Variants in KIF1B observed in about 807,000 individuals in gnomAD.
KIF1B encodes the protein kinesin family member 1B, also known as kinesin-like protein KIF1B.
KIF1B carries 76 observed loss-of-function variants against 241.9 expected under a neutral mutation model. The observed-to-expected ratio is 0.31, with a 90% confidence interval of 0.26 to 0.38. The LOEUF is 0.38. Ranked by LOEUF, KIF1B falls within the 10% of genes least tolerant of loss-of-function variation. The pLI is 1.00. For synonymous variants in KIF1B, 750 were observed against 796.7 expected, an observed-to-expected ratio of 0.94 and a Z score of 0.99; for missense variants, 1,622 against 2,271.4, an observed-to-expected ratio of 0.71 and a Z score of 5.81.
chr1:10,324,860 C>T lies in KIF1B; in HGVS notation c.2640C>T (p.Phe880=), dbSNP rs750695241. 3.1e-6 allele frequency: 5 copies of T among 1,614,044 alleles called. No homozygotes were observed. The highest frequency in any genetic ancestry group is 3.4e-6 in the Non-Finnish European group (4 of 1,180,020). ...SETTVTGSDP[F]YDRFHWFKLV... is the part of the protein sequence containing the mutation. ...CCACTGTGACTGGCAGCGATCCCTT[C>T]TATGATCGGTTCCACTGGTTCAAAC... Residue 880 remains phenylalanine, a synonymous_variant, in exon 26 of 49, where the codon TTC becomes TTT. Transcript: ENST00000676179.
At chr1:10,241,147 C>T (rs752382286) in intron 2 of KIF1B, among the ~76,000 whole-genome samples, 7 of 152,084 alleles carry the variant, frequency 4.6e-5, no homozygotes, top group South Asian at 2.1e-4. Flanking sequence ...AGGTCTTGCT[C>T]TGTTGCGCAG....
rs917625685 is a variant in KIF1B at position 10,251,331 on chromosome 1, C to T, written c.107-4916C>T. Among the ~76,000 whole-genome samples, 89 of 144,330 alleles carry T rather than the reference C, an allele frequency of 6.2e-4. 2 individuals are homozygous for T. The East Asian group carries it at 7.0e-3, about 11-fold the overall frequency. 94.7% of individuals were successfully genotyped at this position (144,330 alleles called of 152,430 possible). On this transcript the variant is annotated intron_variant, in intron 2 of 48. Coordinates refer to ENST00000676179, the MANE Select transcript of KIF1B (RefSeq NM_001365951.3). ...AACTCATTGGTGTAGTTTTTCCTTT[C>T]TTTTTTTTTTTTTTTACTAAGGAAA... is the stretch of plus-strand genomic sequence containing the variant.
chr1:10,256,510 A>T (rs1647789851), intron 3 of KIF1B, among the ~76,000 whole-genome samples, 187 bp downstream of exon 3: 1 of 152,146 alleles, frequency 6.6e-6, no homozygotes, highest in Admixed American at 6.6e-5. Context: ...TGGAAAGTTT[A>T]TGTACACATA....
At position 10,374,789 on chromosome 1, in the gene KIF1B, A is replaced by T; in HGVS notation, c.5097-65A>T. On this transcript the variant is annotated intron_variant, in intron 46 of 48. Coordinates refer to ENST00000676179, the MANE Select transcript of KIF1B (RefSeq NM_001365951.3). The surrounding 1 kb of genome is among the most constrained non-coding windows in gnomAD (Gnocchi z 4.3). ...CTTGGCCTAAGTGTGGCGTATTTTG[A>T]TGGTCCTCAGCACGATTATTTTCTT... The T allele has an allele frequency of 6.7e-7, 1 of 1,485,700 alleles. No homozygotes were observed. The allele number at this position is 1,485,700 out of a possible 1,614,324, so 92.0% of individuals were successfully genotyped here.
intron 28 of KIF1B, among the ~76,000 whole-genome samples, chr1:10,336,220 C>T (rs1017467208): frequency 6.6e-6 from 1 of 152,242 alleles, no homozygotes; most frequent in Non-Finnish European, 1.5e-5. Context: ...GCAATCTCGG[C>T]TCACTGCAAC....
At position 10,378,083 on chromosome 1, in the gene KIF1B, A is replaced by T; in HGVS notation, c.*1496A>T. ...TTCATTGATGCTTGTCAGGTTGAAG[A>T]TGCTTTCAGTGATGCTCTCTATACT... On this transcript the variant is annotated 3_prime_UTR_variant, in exon 49 of 49. Transcript: ENST00000676179. The T allele has an allele frequency of 2.1e-6, 1 of 467,708 alleles. No individual in the cohort carries two copies. The highest frequency in any genetic ancestry group is 3.6e-5 in the South Asian group (1 of 28,110). The allele number at this position is 467,708 out of a possible 1,614,324, so 29.0% of individuals were successfully genotyped here.
At position 10,378,679 on chromosome 1, in the gene KIF1B, G is replaced by A. The variant is rs1448645620; in HGVS notation, c.*2092G>A. On this transcript the variant is annotated 3_prime_UTR_variant, in exon 49 of 49. Transcript: ENST00000676179. ...GCCTCTGCAGAGTTGTTGCTAGGGA[G>A]ACTTGTGTCATCATCCACAACCTTG... 2.1e-6 allele frequency: 1 copy of A among 480,406 alleles called. No homozygotes were observed. The highest frequency in any genetic ancestry group is 3.5e-5 in the Admixed American group (1 of 28,290). The allele number at this position is 480,406 out of a possible 1,614,324, so 29.8% of individuals were successfully genotyped here. A position where few individuals can be genotyped will look rare whatever the true frequency, so the allele number is the denominator to read the frequency against.
At chr1:10,329,699 C>T (rs997877663) in intron 27 of KIF1B, among the ~76,000 whole-genome samples, 2 of 152,002 alleles carry the variant, frequency 1.3e-5, no homozygotes, top group Admixed American at 1.3e-4. Context: ...CGCCACTGCA[C>T]TTCAGCCTGG....
chr1:10,291,491 A>T (rs192671253), intron 16 of KIF1B, among the ~76,000 whole-genome samples: 57 of 152,220 alleles, frequency 3.7e-4, no homozygotes, highest in Non-Finnish European at 6.2e-4. Context: ...TGGGCAGATC[A>T]CGAGGTCGGG....
At position 10,210,800 on chromosome 1, in the gene KIF1B, C is replaced by G. The variant is rs1432978968; in HGVS notation, c.-158C>G. Reference sequence around the variant, plus strand: ...GGCCGCTGCTCGCGCTGAGGTGCGTCGGTGCCCGGCCCCCCGCGCCCCCGC... The same window carrying G: ...GGCCGCTGCTCGCGCTGAGGTGCGTGGGTGCCCGGCCCCCCGCGCCCCCGC... On this transcript the variant is annotated 5_prime_UTR_variant, in exon 1 of 49. Transcript: ENST00000676179. This position sits in a 1 kb window ranked among gnomAD's most constrained non-coding sequence, Gnocchi z 4.1. 1.3e-5 allele frequency: 2 copies of G among 149,306 alleles called. No homozygotes were observed. Among genetic ancestry groups the G allele is most frequent in the Non-Finnish European group, 3.0e-5 (2 of 66,878 alleles). The allele number at this position is 149,306 out of a possible 1,614,324, so 9.2% of individuals were successfully genotyped here.
Position 10,305,170 on chromosome 1 carries a change from G to A in KIF1B, c.2115+7924G>A. The A allele has an allele frequency of 2.9e-6, 3 of 1,046,740 alleles. No homozygotes were observed. In the South Asian group the frequency reaches 1.4e-4, roughly 47 times the overall value. 64.8% of individuals were successfully genotyped at this position (1,046,740 alleles called of 1,614,324 possible). On this transcript the variant is annotated intron_variant, in intron 22 of 48. Coordinates refer to ENST00000676179, the MANE Select transcript of KIF1B (RefSeq NM_001365951.3). ...CTGTTCCCTTCTTTAAATATGATTA[G>A]AATTTTCGTAAGCCAAAACTAAAGG...
intron 29 of KIF1B, 55 bp downstream of exon 29, chr1:10,336,797 C>T: frequency 6.8e-7 from 1 of 1,481,472 alleles, no homozygotes. Context: ...GAATGTTCAG[C>T]ATTGGAGATC....
At chr1:10,239,414 A>C (rs1236015634) in intron 2 of KIF1B, among the ~76,000 whole-genome samples, 2 of 151,858 alleles carry the variant, frequency 1.3e-5, no homozygotes, top group Admixed American at 6.6e-5. Context: ...TGCTGAACAA[A>C]TTATTTTCTA....
chr1:10,260,989 CAG>C (rs1390646231), intron 4 of KIF1B, among the ~76,000 whole-genome samples: 1 of 150,458 alleles, frequency 6.6e-6, no homozygotes, highest in Non-Finnish European at 1.5e-5. Flanking sequence ...TTTCTTGAGA[CAG>C]AGTCTTGCTT....
chr1:10,358,997 C>T (rs1373503535), intron 38 of KIF1B, among the ~76,000 whole-genome samples: 2 of 152,108 alleles, frequency 1.3e-5, no homozygotes, highest in Non-Finnish European at 2.9e-5. Context: ...CACTCACTGC[C>T]TCAAAGACTA....
intron 5 of KIF1B, among the ~76,000 whole-genome samples, chr1:10,265,325 C>T (rs1648397024): frequency 6.6e-6 from 1 of 151,930 alleles, no homozygotes. Flanking sequence ...TCCCCAACCT[C>T]CTGGGCTTGA....
Position 10,278,033 on chromosome 1 carries a change from A to G in KIF1B, c.1085A>G (p.Glu362Gly), listed in dbSNP as rs1649208051. ...KQIKCNAVINEDPNAKLVREL... is the reference protein window; with the variant it reads ...KQIKCNAVINGDPNAKLVREL... ...ATTAAATGCAATGCTGTTATCAATG[A>G]GGACCCCAATGCCAAACTGGTTCGT... The change falls in exon 13 of 49, where the codon GAG (glutamate) becomes GGG (glycine). Residue 362 changes from glutamate to glycine, a missense_variant. By Grantham distance (98) the Glu-to-Gly change is moderately conservative. Coordinates refer to ENST00000676179, the MANE Select transcript of KIF1B (RefSeq NM_001365951.3). 6.2e-7 allele frequency: 1 copy of G among 1,613,974 alleles called. No individual in the cohort carries two copies. The highest frequency in any genetic ancestry group is 8.5e-7 in the Non-Finnish European group (1 of 1,179,952).
chr1:10,376,413 C>T lies in KIF1B; in HGVS notation c.5409-132C>T, dbSNP rs576541467. ...TTGTGTCACAGGGTCCCGGAGTAGA[C>T]GGCTTAGAGGACTAGGCCTGCGGTG... On this transcript the variant is annotated intron_variant, in intron 48 of 48. Coordinates refer to ENST00000676179, the MANE Select transcript of KIF1B (RefSeq NM_001365951.3). 6.1e-4 allele frequency: 523 copies of T among 852,232 alleles called. 4 individuals carry two copies. The highest frequency in any genetic ancestry group is 5.0e-3 in the South Asian group (380 of 75,502). The allele number at this position is 852,232 out of a possible 1,614,324, so 52.8% of individuals were successfully genotyped here. A position where few individuals can be genotyped will look rare whatever the true frequency, so the allele number is the denominator to read the frequency against.
chr1:10,310,319 A>G (rs75914847), intron 22 of KIF1B, among the ~76,000 whole-genome samples: 2,857 of 151,674 alleles, frequency 0.019, 47 homozygotes, highest in Non-Finnish European at 0.028. Flanking sequence ...ATAAATTCCC[A>G]GGTGATTCTG....
Sources: allele counts gnomAD v4.1 joint callset (sites outside exome capture counted in the v4.1 genomes callset), GRCh38; gene constraint gnomAD v4.1.1; non-coding constraint Gnocchi (gnomAD v3.1); transcripts MANE v1.5; gene names NCBI Gene and HGNC (gene_info 2026-07-23, HGNC 2026-07-21).